Variants in SCTR observed in about 807,000 individuals in gnomAD.
SCTR encodes the protein secretin receptor, also known as pancreatic secretin receptor.
Under a neutral mutation model 60.8 loss-of-function variants are expected in SCTR, and 56 were observed. That is an observed-to-expected ratio of 0.92 (90% CI 0.74 to 1.15). SCTR has a LOEUF of 1.15. SCTR is among the 50% of genes most tolerant of loss of function. SCTR has a pLI of 0.00. For synonymous variants in SCTR, 202 were observed against 217.0 expected (o/e 0.93, Z 0.61); for missense variants, 562 against 550.4 (o/e 1.02, Z -0.21).
intron 2 of SCTR, among the ~76,000 whole-genome samples, chr2:119,493,212 T>C (rs926784588): frequency 3.3e-5 from 5 of 152,242 alleles, no homozygotes; most frequent in African/African-American, 7.2e-5. Flanking sequence ...GTTTCAAGGT[T>C]TGTCCATGCT....
chr2:119,513,004 C>CAT (rs1220464614), intron 1 of SCTR, among the ~76,000 whole-genome samples: 12 of 152,172 alleles, frequency 7.9e-5, no homozygotes, highest in African/African-American at 2.4e-4. Context: ...GAGACAGTAA[C>CAT]ATAGTCCTTG....
At chr2:119,465,947 C>G (rs1291875632) in intron 4 of SCTR, 61 bp from the exon 5 acceptor site, 13 of 1,201,288 alleles carry the variant, frequency 1.1e-5, no homozygotes, top group African/African-American at 1.5e-5. Context: ...CCTTCTGTGC[C>G]TCACTGCATC....
In SCTR at chr2:119,478,751, G is replaced by A. The variant is rs1677453337; in HGVS notation, c.301+60C>T. 8 of 1,534,974 alleles carry A rather than the reference G, an allele frequency of 5.2e-6. No homozygotes were observed. The East Asian group carries it at 1.6e-4, about 30-fold the overall frequency. On this transcript the variant is annotated intron_variant, in intron 3 of 12. Transcript: ENST00000019103. The stretch of plus-strand genomic sequence containing the variant: ...CTTGGCCTCCTGCCTCTAAGCTGAG[G>A]CCCCACCCAGAGGGACACCCCTCAG...
intron 2 of SCTR, among the ~76,000 whole-genome samples, chr2:119,492,249 C>T (rs1289684691): frequency 6.6e-6 from 1 of 152,220 alleles, no homozygotes; most frequent in Non-Finnish European, 1.5e-5. Context: ...TGCTCCAGCT[C>T]TTTTTGTAAT....
At chr2:119,495,142 C>A (rs760205666) in intron 1 of SCTR, among the ~76,000 whole-genome samples, 55 of 152,212 alleles carry the variant, frequency 3.6e-4, no homozygotes, top group Non-Finnish European at 5.9e-4. Context: ...TGCAAACACA[C>A]ACACACAGAT....
chr2:119,473,559 G>A lies in SCTR; in HGVS notation c.302-3C>T, dbSNP rs935330288. ...TGTGCAGTTTCGGAACAAGGAACCTGTGGGTGCCAAGAGTCCTGTAGGTGA... is the reference window on the plus strand; with the variant it reads ...TGTGCAGTTTCGGAACAAGGAACCTATGGGTGCCAAGAGTCCTGTAGGTGA... On this transcript the variant is annotated splice_region_variant and splice_polypyrimidine_tract_variant and intron_variant, in intron 3 of 12. Transcript: ENST00000019103. 3 of 1,608,054 alleles carry A rather than the reference G, an allele frequency of 1.9e-6. No individual in the cohort carries two copies. The highest frequency in any genetic ancestry group is 2.6e-6 in the Non-Finnish European group (3 of 1,174,462).
At chr2:119,511,497 T>A (rs2587668) in intron 1 of SCTR, among the ~76,000 whole-genome samples, 3 of 152,208 alleles carry the variant, frequency 2.0e-5, no homozygotes, top group African/African-American at 7.2e-5. Flanking sequence ...CTGAGGTCTA[T>A]CATTATTGTT....
At chr2:119,458,235 C>T (rs980557647) in intron 7 of SCTR, among the ~76,000 whole-genome samples, 3 of 150,854 alleles carry the variant, frequency 2.0e-5, no homozygotes, top group South Asian at 4.2e-4. Context: ...GAGCCCAGGA[C>T]GTTGAGGCTG....
intron 4 of SCTR, among the ~76,000 whole-genome samples, chr2:119,473,012 G>C (rs1480411860): frequency 6.6e-6 from 1 of 152,150 alleles, no homozygotes; most frequent in Non-Finnish European, 1.5e-5. Context: ...CTCTTGACAA[G>C]CCTATGTTGT....
At chr2:119,485,786 A>G (rs577922756) in intron 2 of SCTR, 3 of 153,118 alleles carry the variant, frequency 2.0e-5, no homozygotes, top group Non-Finnish European at 4.4e-5. Flanking sequence ...CGCCACATCC[A>G]TCTCTCAGGC....
At chr2:119,499,712 T>C (rs1678468548) in intron 1 of SCTR, among the ~76,000 whole-genome samples, 1 of 152,064 alleles carries the variant, frequency 6.6e-6, no homozygotes, top group Non-Finnish European at 1.5e-5. Flanking sequence ...AGAAAAATTA[T>C]TTGAGAAAAT....
chr2:119,463,939 A>G (rs1018450299), intron 6 of SCTR, among the ~76,000 whole-genome samples, 184 bp downstream of exon 6: 1 of 152,086 alleles, frequency 6.6e-6, no homozygotes, highest in Admixed American at 6.5e-5. Flanking sequence ...GATTGTGCAC[A>G]TGTGGCTGTG....
chr2:119,469,818 G>C (rs1676924403), intron 4 of SCTR, among the ~76,000 whole-genome samples: 1 of 152,054 alleles, frequency 6.6e-6, no homozygotes, highest in Admixed American at 6.5e-5. Flanking sequence ...ACATCTAAAA[G>C]TGTGCACCAC....
intron 1 of SCTR, among the ~76,000 whole-genome samples, chr2:119,519,633 C>A (rs1190147153): frequency 6.6e-6 from 1 of 151,382 alleles, no homozygotes; most frequent in Non-Finnish European, 1.5e-5. Context: ...GGTGAAACCC[C>A]ATCTCTACTA....
In SCTR at chr2:119,524,301, C is replaced by G. The variant is rs1679383995; in HGVS notation, c.-75G>C. On this transcript the variant is annotated 5_prime_UTR_variant, in exon 1 of 13. Transcript: ENST00000019103. ...CTCTGCCCGCTCGGGAGCTCAGCGC[C>G]CCGCGCAGGGTCCCGGGCTCCGGCC... 2 of 1,042,034 alleles carry G rather than the reference C, an allele frequency of 1.9e-6. No individual in the cohort carries two copies. The highest frequency in any genetic ancestry group is 3.4e-5 in the African/African-American group (2 of 58,966). The allele number at this position is 1,042,034 out of a possible 1,614,324, so 64.5% of individuals were successfully genotyped here.
intron 2 of SCTR, among the ~76,000 whole-genome samples, chr2:119,481,526 G>A (rs1677600646): frequency 6.6e-6 from 1 of 152,196 alleles, no homozygotes; most frequent in South Asian, 2.1e-4. Context: ...TCCACTCTGA[G>A]TCTCCCTGCT....
intron 4 of SCTR, among the ~76,000 whole-genome samples, chr2:119,467,936 T>C (rs1430131729): frequency 6.6e-6 from 1 of 152,198 alleles, no homozygotes; most frequent in Non-Finnish European, 1.5e-5. Context: ...GCTGAGAATT[T>C]TTAAAATAAA....
intron 9 of SCTR, 97 bp from the exon 10 acceptor site, chr2:119,448,877 T>C (rs1683034063): frequency 1.5e-6 from 1 of 684,460 alleles, no homozygotes; most frequent in African/African-American, 1.8e-5. Flanking sequence ...GAGAAGACAT[T>C]GCAGACACCA....
chr2:119,443,395 G>A (rs894478355), intron 11 of SCTR, among the ~76,000 whole-genome samples: 2 of 152,172 alleles, frequency 1.3e-5, no homozygotes, highest in East Asian at 1.9e-4. Flanking sequence ...AAAAGAGACG[G>A]AAGTAAACAC....
Sources: allele counts gnomAD v4.1 joint callset (sites outside exome capture counted in the v4.1 genomes callset), GRCh38; gene constraint gnomAD v4.1.1; transcripts MANE v1.5; gene names NCBI Gene and HGNC (gene_info 2026-07-23, HGNC 2026-07-21).